HNRNPLL: variants seen among roughly 807,000 people sequenced by gnomAD.
HNRNPLL encodes heterogeneous nuclear ribonucleoprotein L-like.
HNRNPLL carries 25 observed loss-of-function variants against 67.1 expected under a neutral mutation model. The observed-to-expected ratio is 0.37, with a 90% CI of 0.27 to 0.52. The LOEUF is 0.52. Ranked by LOEUF, HNRNPLL falls within the 20% of genes least tolerant of loss-of-function variation. The pLI is 0.90. For synonymous variants in HNRNPLL, 267 were observed against 241.7 expected (o/e 1.10, Z -0.97); for missense variants, 542 against 673.9 (o/e 0.80, Z 2.17).
At chr2:38,596,467 A>AG (rs1487464143) in intron 1 of HNRNPLL, among the ~76,000 whole-genome samples, 10 of 152,108 alleles carry the variant, frequency 6.6e-5, no homozygotes, top group Admixed American at 6.6e-4. Context: ...CATTTTTGCC[A>AG]GGCTGGTCTT....
rs1237871495 is a variant in HNRNPLL at position 38,582,153 on chromosome 2, A to G, written c.648T>C (p.Leu216=). ...GTGCTGCTTTAGCTTTCTGGGCACAAAGGACTGATTCAAACATAAGCTCTA... is the reference window on the plus strand; with the variant it reads ...GTGCTGCTTTAGCTTTCTGGGCACAGAGGACTGATTCAAACATAAGCTCTA... ...IQAMVEFESV[L]CAQKAKAALN... Residue 216 remains leucine (L), a synonymous_variant, in exon 5 of 13, where the codon CTT becomes CTC. Coordinates refer to ENST00000449105, the MANE Select transcript of HNRNPLL (RefSeq NM_138394.4). 1 of 1,613,578 alleles carries G rather than the reference A, an allele frequency of 6.2e-7. No individual in the cohort carries two copies. Among genetic ancestry groups the G allele is most frequent in the Non-Finnish European group, 8.5e-7 (1 of 1,179,492 alleles).
At chr2:38,569,479 T>C (rs1012010317) in intron 9 of HNRNPLL, 145 bp from the exon 10 acceptor site, 4 of 611,616 alleles carry the variant, frequency 6.5e-6, no homozygotes, top group Non-Finnish European at 8.6e-6. Context: ...GGATTTAGTT[T>C]GGGTTATAAT....
chr2:38,562,141 T>C lies in HNRNPLL; in HGVS notation c.*2041A>G, dbSNP rs1327561399. On this transcript the variant is annotated 3_prime_UTR_variant, in exon 13 of 13. Transcript: ENST00000449105. Reference sequence around the variant, plus strand: ...CATAAAGATAGCACAGAGAAGAATGTTGCCAAGGCTAAGGAAAGAGAGAGT... The same window carrying C: ...CATAAAGATAGCACAGAGAAGAATGCTGCCAAGGCTAAGGAAAGAGAGAGT... The C allele has an allele frequency of 6.6e-6, 1 of 152,190 alleles. No individual in the cohort carries two copies. The highest frequency in any genetic ancestry group is 1.5e-5 in the Non-Finnish European group (1 of 68,014). The allele number at this position is 152,190 out of a possible 1,614,324, so 9.4% of individuals were successfully genotyped here. A position where few individuals can be genotyped will look rare whatever the true frequency, so the allele number is the denominator to read the frequency against.
intron 7 of HNRNPLL, 86 bp from the exon 8 acceptor site, chr2:38,573,513 AC>A (rs1666177750): frequency 1.2e-6 from 1 of 839,894 alleles, no homozygotes; most frequent in African/African-American, 1.8e-5. Flanking sequence ...TGCACCACAC[AC>A]AAAAAATAAA....
rs1476523718 is a variant in HNRNPLL at position 38,573,377 on chromosome 2, G to T, written c.925C>A (p.Arg309=). 1.9e-6 allele frequency: 3 copies of T among 1,612,050 alleles called. No homozygotes were observed. The highest frequency in any genetic ancestry group is 2.5e-6 in the Non-Finnish European group (3 of 1,179,036). The change falls in exon 8 of 13, where the codon CGA becomes AGA. Residue 309 remains arginine (R), a synonymous_variant. Coordinates refer to ENST00000449105, the MANE Select transcript of HNRNPLL (RefSeq NM_138394.4). The stretch of plus-strand genomic sequence containing the variant: ...TAAGCAACAAGTTCAGGTGTATCTC[G>T]AGAGCCCATTCTGTAACGACTTGGT... ...PLPSRYRMGS[R]DTPELVAYPL... is the part of the protein sequence containing the mutation.
intron 6 of HNRNPLL, chr2:38,578,116 T>C: frequency 4.7e-6 from 2 of 425,586 alleles, no homozygotes; most frequent in East Asian, 7.2e-5. Flanking sequence ...ACTCATATTA[T>C]ATCATGAATA....
intron 6 of HNRNPLL, chr2:38,581,692 G>T (rs1048082733): frequency 1.8e-6 from 1 of 546,626 alleles, no homozygotes; most frequent in Non-Finnish European, 3.2e-6. Flanking sequence ...CTGAATGTGT[G>T]GGCTCCTTGT....
Position 38,573,437 on chromosome 2 carries a change from T to A in HNRNPLL, c.875-10A>T, listed in dbSNP as rs991304647. Reference sequence around the variant, plus strand: ...AATGGACCATGGGATCCTATAAAAATGATCAAAATAAATAAATTAGTTAAC... The same window carrying A: ...AATGGACCATGGGATCCTATAAAAAAGATCAAAATAAATAAATTAGTTAAC... On this transcript the variant is annotated splice_polypyrimidine_tract_variant and intron_variant, in intron 7 of 12. Transcript: ENST00000449105. 5.8e-6 allele frequency: 9 copies of A among 1,563,644 alleles called. No homozygotes were observed. The Admixed American group carries it at 1.2e-4, about 22-fold the overall frequency.
intron 1 of HNRNPLL, among the ~76,000 whole-genome samples, chr2:38,593,064 G>T (rs537726730): frequency 6.6e-6 from 1 of 152,148 alleles, no homozygotes; most frequent in Non-Finnish European, 1.5e-5. Flanking sequence ...AACTACTCAC[G>T]CTACTGTCAA....
In HNRNPLL at chr2:38,569,028, C is replaced by T. The variant is rs558340675; in HGVS notation, c.1416+105G>A. 1.6e-5 allele frequency: 13 copies of T among 809,116 alleles called. No individual in the cohort carries two copies. The Admixed American group carries it at 2.4e-4, about 15-fold the overall frequency. The allele number at this position is 809,116 out of a possible 1,614,324, so 50.1% of individuals were successfully genotyped here. A position where few individuals can be genotyped will look rare whatever the true frequency, so the allele number is the denominator to read the frequency against. On this transcript the variant is annotated intron_variant, in intron 10 of 12. Coordinates refer to ENST00000449105, the MANE Select transcript of HNRNPLL (RefSeq NM_138394.4). ...TACCAAGTAAATAAAATAGTAATAA[C>T]ATCAAAAGCAAAAGAATGAGCAAAA... is the stretch of plus-strand genomic sequence containing the variant.
chr2:38,583,711 T>G, intron 4 of HNRNPLL, 130 bp downstream of exon 4: 1 of 502,294 alleles, frequency 2.0e-6, no homozygotes, highest in Non-Finnish European at 3.6e-6. Context: ...CAGTTTCATT[T>G]TTTAAAGCTA....
intron 6 of HNRNPLL, chr2:38,581,067 C>G (rs1666511922): frequency 6.6e-6 from 1 of 152,186 alleles, no homozygotes; most frequent in South Asian, 2.1e-4. Flanking sequence ...AACAATGCAG[C>G]AAGTGTGCAC....
chr2:38,591,748 G>A, intron 1 of HNRNPLL, 100 bp from the exon 2 acceptor site: 1 of 657,836 alleles, frequency 1.5e-6, no homozygotes, highest in South Asian at 1.7e-5. Flanking sequence ...GGTCAAAGTG[G>A]GAGGGTCATT....
At chr2:38,587,773 G>A (rs1238468820) in intron 2 of HNRNPLL, among the ~76,000 whole-genome samples, 2 of 152,178 alleles carry the variant, frequency 1.3e-5, no homozygotes, top group African/African-American at 4.8e-5. Flanking sequence ...GTGTGGCTCT[G>A]TGTCCCCATC....
At position 38,568,432 on chromosome 2, in the gene HNRNPLL, G is replaced by C. The variant is rs1446292148; in HGVS notation, c.1428C>G (p.Asp476Glu). The change falls in exon 11 of 13, where the codon GAC (aspartate) becomes GAG (glutamate). Residue 476 changes from aspartate (D) to glutamate (E), a missense_variant. Around this residue, in one of 2 missense-constraint regions of HNRNPLL, gnomAD observed 415 missense variants for 575.2 expected, o/e 0.72. Coordinates refer to ENST00000449105, the MANE Select transcript of HNRNPLL (RefSeq NM_138394.4). ...ATTTGATGAATGTAAGAACTTCATG[G>C]TCATTACACAACTGTCAAAGAAAGT... Reference protein sequence around the residue: ...TEETFTKLCNDHEVLTFIKYK... With the variant: ...TEETFTKLCNEHEVLTFIKYK... 5 of 1,599,518 alleles carry C rather than the reference G, an allele frequency of 3.1e-6. No individual in the cohort carries two copies. Among genetic ancestry groups the C allele is most frequent in the African/African-American group, 1.3e-5 (1 of 74,516 alleles).
intron 2 of HNRNPLL, among the ~76,000 whole-genome samples, chr2:38,587,866 T>C (rs1666795267): frequency 6.6e-6 from 1 of 152,172 alleles, no homozygotes; most frequent in African/African-American, 2.4e-5. Context: ...TGGTTTCTAA[T>C]GGCTTAGCAC....
intron 4 of HNRNPLL, among the ~76,000 whole-genome samples, chr2:38,582,410 A>C (rs1211003578): frequency 6.6e-6 from 1 of 152,112 alleles, no homozygotes; most frequent in African/African-American, 2.4e-5. Context: ...TCCCGGGTTC[A>C]AGCAATTCTC....
intron 4 of HNRNPLL, 50 bp downstream of exon 4, chr2:38,583,791 T>C: frequency 1.2e-6 from 1 of 863,414 alleles, no homozygotes; most frequent in Middle Eastern, 2.5e-4. Context: ...CCAGAAAAAA[T>C]AAGATCCGTA....
At chr2:38,569,698 C>T in intron 9 of HNRNPLL, 106 bp downstream of exon 9, 3 of 590,036 alleles carry the variant, frequency 5.1e-6, no homozygotes, top group Non-Finnish European at 8.5e-6. Context: ...TCAGATGTGC[C>T]CTCAGTTACA....
Sources: gnomAD v4.1 joint callset for allele counts (sites outside exome capture counted in the v4.1 genomes callset) on GRCh38, gnomAD v4.1.1 for gene constraint, gnomAD v4.1.1 regional missense constraint, MANE v1.5 for transcripts, NCBI Gene and HGNC (gene_info 2026-07-23, HGNC 2026-07-21) for gene names.